Variants in TSPAN4 observed in about 807,000 individuals in gnomAD.
The protein encoded by TSPAN4 is tetraspanin-4.
A neutral mutation model predicts 31.5 loss-of-function variants in TSPAN4; 38 were observed. That is an observed-to-expected ratio of 1.21 (90% CI 0.93 to 1.58). The LOEUF (loss-of-function observed/expected upper bound fraction) is 1.58, where lower values mean the gene tolerates loss of function less well. Ranked by LOEUF, TSPAN4 falls within the 40% of genes most tolerant of loss-of-function variation. TSPAN4 has a pLI of 0.00. For missense variants in TSPAN4, 330 were observed against 317.3 expected (o/e 1.04, Z -0.30); for synonymous variants, 186 against 144.6 (o/e 1.29, Z -2.06).
At chr11:845,084 C>G (rs1000218968) in intron 1 of TSPAN4, among the ~76,000 whole-genome samples, 2 of 152,304 alleles carry the variant, frequency 1.3e-5, no homozygotes, top group African/African-American at 2.4e-5. Context: ...GCCCGGAGGG[C>G]TGCATCCCTC....
Position 866,715 on chromosome 11 carries a change from G to C in TSPAN4, c.*85G>C. On this transcript the variant is annotated 3_prime_UTR_variant, in exon 9 of 9. Transcript: ENST00000397397. ...AGCTGCCTTTCCCACCACCAGCCTC[G>C]GTGCTCTGCCCCATGCTGGGAGGAG... 1.5e-6 allele frequency: 2 copies of C among 1,340,902 alleles called. No homozygotes were observed. The highest frequency in any genetic ancestry group is 2.0e-6 in the Non-Finnish European group (2 of 977,454). 83.1% of individuals were successfully genotyped at this position (1,340,902 alleles called of 1,614,324 possible). A position where few individuals can be genotyped will look rare whatever the true frequency, so the allele number is the denominator to read the frequency against.
At chr11:855,187 G>T (rs534815258) in intron 3 of TSPAN4, among the ~76,000 whole-genome samples, 2 of 152,164 alleles carry the variant, frequency 1.3e-5, no homozygotes, top group East Asian at 3.8e-4. Flanking sequence ...CAGGCAGGCC[G>T]GGCCTCTGTG....
chr11:843,219 C>T (rs937401167), intron 1 of TSPAN4: 1 of 152,240 alleles, frequency 6.6e-6, no homozygotes, highest in Admixed American at 6.5e-5. Flanking sequence ...GCGGCCCAGC[C>T]CCTAGGGGCG....
Position 848,997 on chromosome 11 carries a change from G to T in TSPAN4, c.-17-1291G>T. The T allele has an allele frequency of 1.6e-6, 1 of 616,042 alleles. No homozygotes were observed. Among genetic ancestry groups the T allele is most frequent in the Non-Finnish European group, 3.0e-6 (1 of 334,904 alleles). 38.2% of individuals were successfully genotyped at this position (616,042 alleles called of 1,614,324 possible). A position where few individuals can be genotyped will look rare whatever the true frequency, so the allele number is the denominator to read the frequency against. On this transcript the variant is annotated intron_variant, in intron 2 of 8. Transcript: ENST00000397397. The surrounding 1 kb of genome is among the most constrained non-coding windows in gnomAD (Gnocchi z 5.7). ...TACAGGCTGACTTCCAGCCTGGGCT[G>T]GAGCAAAATGAAATTCTGGGCCCCT...
At chr11:851,523 G>T (rs1447366285) in intron 3 of TSPAN4, among the ~76,000 whole-genome samples, 1 of 152,184 alleles carries the variant, frequency 6.6e-6, no homozygotes, top group African/African-American at 2.4e-5. Context: ...GAGGCAGGGG[G>T]GTCCCTGGGA....
chr11:850,128 A>T (rs1457851802), intron 2 of TSPAN4, 160 bp from the exon 3 acceptor site: 2 of 531,524 alleles, frequency 3.8e-6, no homozygotes, highest in Non-Finnish European at 6.5e-6. Context: ...CCGGCGCTAC[A>T]GCAGCCTATA....
intron 5 of TSPAN4, 171 bp from the exon 6 acceptor site, chr11:865,342 G>A: frequency 1.6e-6 from 1 of 612,628 alleles, no homozygotes; most frequent in South Asian, 2.0e-5. Flanking sequence ...TGGGCCTCAG[G>A]GCTGCTGGGA....
chr11:851,871 C>A (rs1160546418), intron 3 of TSPAN4, among the ~76,000 whole-genome samples: 6 of 152,078 alleles, frequency 3.9e-5, no homozygotes, highest in African/African-American at 1.2e-4. Flanking sequence ...TCTCCACCCT[C>A]CTCCTGTCCT....
intron 3 of TSPAN4, among the ~76,000 whole-genome samples, chr11:861,342 C>T (rs1053804354): frequency 6.6e-6 from 1 of 152,150 alleles, no homozygotes; most frequent in Admixed American, 6.6e-5. Context: ...TGGCCGGGCG[C>T]GGTGGCTCAT....
chr11:859,066 CCCCCGGCACACATGCA>C (rs1208730501), intron 3 of TSPAN4, among the ~76,000 whole-genome samples: 2 of 124,784 alleles, frequency 1.6e-5, no homozygotes, highest in Admixed American at 8.0e-5. Flanking sequence ...ACAGCTTGCA[CCCCCGGCACACATGCA>C]CCCCGGCTCA....
intron 1 of TSPAN4, among the ~76,000 whole-genome samples, chr11:845,162 C>G (rs540291711): frequency 6.6e-6 from 1 of 152,314 alleles, no homozygotes; most frequent in South Asian, 2.1e-4. Context: ...CCAGCCTCGC[C>G]CCCACACCTG....
At chr11:852,861 C>T (rs1565134381) in intron 3 of TSPAN4, among the ~76,000 whole-genome samples, 1 of 150,992 alleles carries the variant, frequency 6.6e-6, no homozygotes, top group Non-Finnish European at 1.5e-5. Flanking sequence ...GGGACGTCCC[C>T]CCGGCGGGAC....
Position 862,712 on chromosome 11 carries a change from A to G in TSPAN4, c.226A>G (p.Ile76Val). 4 of 1,612,530 alleles carry G rather than the reference A, an allele frequency of 2.5e-6. No individual in the cohort carries two copies. Among genetic ancestry groups the G allele is most frequent in the Non-Finnish European group, 2.5e-6 (3 of 1,179,542 alleles). ...CGGCTTCGTGGGCTGCCTGGGTGCC[A>G]TCAAGGAGAACAAGTGCCTCCTGCT... ...AIGFVGCLGA[I>V]KENKCLLLTF... is the part of the protein sequence containing the mutation. The change falls in exon 4 of 9, where the codon ATC becomes GTC. Residue 76 changes from isoleucine (I) to valine (V), a missense_variant. By Grantham distance (29) the Ile-to-Val change is conservative (BLOSUM62 3). Transcript: ENST00000397397.
chr11:866,767 C>T lies in TSPAN4; in HGVS notation c.*137C>T. ...GAGGGAGGGACAGGTGCCTGGAGCCCCCGGAACCCTGTTTCTGGAAGGCCC... is the reference window on the plus strand; with the variant it reads ...GAGGGAGGGACAGGTGCCTGGAGCCTCCGGAACCCTGTTTCTGGAAGGCCC... On this transcript the variant is annotated 3_prime_UTR_variant, in exon 9 of 9. Coordinates refer to ENST00000397397, the MANE Select transcript of TSPAN4 (RefSeq NM_003271.5). The T allele has an allele frequency of 1.1e-6, 1 of 913,854 alleles. No individual in the cohort carries two copies. Among genetic ancestry groups the T allele is most frequent in the Middle Eastern group, 2.9e-4 (1 of 3,426 alleles). The allele number at this position is 913,854 out of a possible 1,614,324, so 56.6% of individuals were successfully genotyped here. A position where few individuals can be genotyped will look rare whatever the true frequency, so the allele number is the denominator to read the frequency against.
Position 842,919 on chromosome 11 carries a change from C to T in TSPAN4, c.-118+4C>T, listed in dbSNP as rs1847048384. The T allele has an allele frequency of 1.3e-5, 2 of 159,762 alleles. No homozygotes were observed. Among genetic ancestry groups the T allele is most frequent in the South Asian group, 3.4e-4 (2 of 5,852 alleles). The allele number at this position is 159,762 out of a possible 1,614,324, so 9.9% of individuals were successfully genotyped here. On this transcript the variant is annotated splice_donor_region_variant and intron_variant, in intron 1 of 8. Coordinates refer to ENST00000397397, the MANE Select transcript of TSPAN4 (RefSeq NM_003271.5). ...CGAGCGGGAGGCGGCGGCGCAGGTA[C>T]TGCGCCTGGGGGTTGTGGGGGCGTG... is the stretch of plus-strand genomic sequence containing the variant.
chr11:864,080 C>G (rs1457792955), intron 4 of TSPAN4: 2 of 339,508 alleles, frequency 5.9e-6, no homozygotes, highest in Non-Finnish European at 1.1e-5. Context: ...TCAGAGGCCC[C>G]TGGATGGAGG....
rs772379078 is a variant in TSPAN4, at chr11:850,316, C to G, written c.12C>G (p.Ala4=). The change falls in exon 3 of 9, where the codon GCC becomes GCG. Residue 4 remains alanine (A), a synonymous_variant. Transcript: ENST00000397397. ...TGAAGCGCTGCGGCATGGCGCGCGC[C>G]TGCCTCCAGGCCGTCAAGTACCTCA... MAR[A]CLQAVKYLMF... The G allele has an allele frequency of 1.9e-6, 3 of 1,608,550 alleles. No individual in the cohort carries two copies. In the Admixed American group the frequency reaches 5.0e-5, roughly 27 times the overall value.
Position 866,896 on chromosome 11 carries a change from A to G in TSPAN4, c.*266A>G, listed in dbSNP as rs1848886355. ...GTGGGAGGGGCCTCCAGCACTTTTT[A>G]TATTTACGTATTCTCCAAAGCAGTG... On this transcript the variant is annotated 3_prime_UTR_variant, in exon 9 of 9. Transcript: ENST00000397397. The G allele has an allele frequency of 2.2e-6, 1 of 450,764 alleles. No homozygotes were observed. The highest frequency in any genetic ancestry group is 3.7e-5 in the East Asian group (1 of 26,952). 27.9% of individuals were successfully genotyped at this position (450,764 alleles called of 1,614,324 possible). A position where few individuals can be genotyped will look rare whatever the true frequency, so the allele number is the denominator to read the frequency against.
Position 866,914 on chromosome 11 carries a change from A to C in TSPAN4, c.*284A>C. 1.1e-5 allele frequency: 4 copies of C among 371,180 alleles called. No homozygotes were observed. The highest frequency in any genetic ancestry group is 9.8e-6 in the Non-Finnish European group (2 of 203,188). The allele number at this position is 371,180 out of a possible 1,614,324, so 23.0% of individuals were successfully genotyped here. The stretch of plus-strand genomic sequence containing the variant: ...ACTTTTTATATTTACGTATTCTCCA[A>C]AGCAGTGTTCACACGGGAGCCAGCC... On this transcript the variant is annotated 3_prime_UTR_variant, in exon 9 of 9. Transcript: ENST00000397397.
Sources: allele counts gnomAD v4.1 joint callset (sites outside exome capture counted in the v4.1 genomes callset), GRCh38; gene constraint gnomAD v4.1.1; non-coding constraint Gnocchi (gnomAD v3.1); transcripts MANE v1.5; gene names NCBI Gene and HGNC (gene_info 2026-07-23, HGNC 2026-07-21).